The following RASGEF1B variants were observed in gnomAD, a reference collection of about 807,000 sequenced individuals.
The protein encoded by RASGEF1B is RasGEF domain family member 1B, also known as ras-GEF domain-containing family member 1B.
Under a neutral mutation model 65.7 loss-of-function variants are expected in RASGEF1B, and 30 were observed. The ratio of observed to expected loss-of-function variants is 0.46; its 90% confidence interval spans 0.34 to 0.62. The LOEUF (loss-of-function observed/expected upper bound fraction) is 0.62. Ranked by LOEUF, RASGEF1B falls within the 20% of genes least tolerant of loss-of-function variation. The pLI, the probability that RASGEF1B is intolerant of heterozygous loss-of-function variation, is 0.01. For synonymous variants in RASGEF1B, 175 were observed against 194.8 expected (o/e 0.90, Z 0.85); for missense variants, 495 against 580.1 (o/e 0.85, Z 1.51).
intron 13 of RASGEF1B, among the ~76,000 whole-genome samples, chr4:81,429,122 C>G (rs2109961551): frequency 6.6e-6 from 1 of 152,320 alleles, no homozygotes; most frequent in African/African-American, 2.4e-5. Flanking sequence ...ATAGAGAAAA[C>G]CACAAACACT....
chr4:81,468,798 T>C (rs1722933154), intron 1 of RASGEF1B, among the ~76,000 whole-genome samples: 1 of 152,180 alleles, frequency 6.6e-6, no homozygotes, highest in African/African-American at 2.4e-5. Context: ...AGGGTGTAAA[T>C]GCATGAAGCG....
intron 10 of RASGEF1B, among the ~76,000 whole-genome samples, chr4:81,438,282 T>C (rs1191098718): frequency 6.6e-6 from 1 of 152,228 alleles, no homozygotes; most frequent in African/African-American, 2.4e-5. Context: ...TGTTCTCTAT[T>C]AGGTACCTAG....
At chr4:81,440,503 G>A (rs1024491548) in intron 10 of RASGEF1B, among the ~76,000 whole-genome samples, 7 of 152,144 alleles carry the variant, frequency 4.6e-5, no homozygotes, top group African/African-American at 1.2e-4. Context: ...GAGCTTAAAT[G>A]TCTATTTTCC....
chr4:81,451,920 G>C (rs1170512670), intron 4 of RASGEF1B: 2 of 152,200 alleles, frequency 1.3e-5, no homozygotes, highest in Non-Finnish European at 2.9e-5. Flanking sequence ...TACCACACAA[G>C]GGTACCTGCT....
At chr4:81,470,713 G>A (rs993361974) in intron 1 of RASGEF1B, among the ~76,000 whole-genome samples, 3 of 152,164 alleles carry the variant, frequency 2.0e-5, no homozygotes, top group African/African-American at 7.2e-5. Flanking sequence ...TCATCAGGGA[G>A]GATGGACACA....
At chr4:81,432,892 T>G (rs1721478940) in intron 12 of RASGEF1B, among the ~76,000 whole-genome samples, 1 of 151,988 alleles carries the variant, frequency 6.6e-6, no homozygotes, top group African/African-American at 2.4e-5. Context: ...TTATAGAGAT[T>G]AAAAACAAAT....
intron 2 of RASGEF1B, chr4:81,458,845 C>G (rs1482749057): frequency 6.6e-6 from 1 of 152,376 alleles, no homozygotes; most frequent in Non-Finnish European, 1.5e-5. Flanking sequence ...TGTAGGTTAC[C>G]AAGGTAAAAC....
chr4:81,461,514 T>C (rs1223908768), intron 1 of RASGEF1B, among the ~76,000 whole-genome samples: 2 of 152,196 alleles, frequency 1.3e-5, no homozygotes, highest in African/African-American at 4.8e-5. Flanking sequence ...AAAGTGCTTT[T>C]GGGAGATGGT....
intron 2 of RASGEF1B, 69 bp from the exon 3 acceptor site, chr4:81,457,690 G>A: frequency 6.5e-7 from 1 of 1,545,214 alleles, no homozygotes; most frequent in Non-Finnish European, 8.8e-7. Flanking sequence ...TTTATACTAT[G>A]TCTTATTTCA....
At chr4:81,435,665 C>T (rs1439441417) in intron 10 of RASGEF1B, among the ~76,000 whole-genome samples, 58 of 148,704 alleles carry the variant, frequency 3.9e-4, no homozygotes, top group Admixed American at 1.7e-3. Context: ...TTAGTAGAGA[C>T]AGGGTTTCAC....
At chr4:81,445,959 CAGAA>C in intron 6 of RASGEF1B, 121 bp from the exon 7 acceptor site, 1 of 683,778 alleles carries the variant, frequency 1.5e-6, no homozygotes, top group Non-Finnish European at 2.5e-6. Flanking sequence ...TTGAGAACAA[CAGAA>C]AGAGAGAGAG....
At chr4:81,444,910 C>T (rs1721966806) in intron 8 of RASGEF1B, among the ~76,000 whole-genome samples, 1 of 152,156 alleles carries the variant, frequency 6.6e-6, no homozygotes, top group Admixed American at 6.5e-5. Context: ...CAAACTAGGA[C>T]ACTTTTTAAT....
At chr4:81,439,821 T>A (rs149832631) in intron 10 of RASGEF1B, among the ~76,000 whole-genome samples, 64 of 152,366 alleles carry the variant, frequency 4.2e-4, no homozygotes, top group African/African-American at 1.5e-3. Context: ...CTCTGCTTCA[T>A]ACCCCCTCTG....
chr4:81,470,185 TTC>T (rs1722972275), intron 1 of RASGEF1B, among the ~76,000 whole-genome samples: 1 of 152,238 alleles, frequency 6.6e-6, no homozygotes, highest in Non-Finnish European at 1.5e-5. Flanking sequence ...CCTTCTTTTT[TTC>T]TGTTATGAAA....
chr4:81,433,052 G>GA (rs766242934), intron 12 of RASGEF1B, among the ~76,000 whole-genome samples: 176 of 106,086 alleles, frequency 1.7e-3, no homozygotes, highest in East Asian at 1.0e-2. Context: ...GTCTCTACAA[G>GA]AAAAAAAAAA....
intron 10 of RASGEF1B, among the ~76,000 whole-genome samples, chr4:81,436,376 A>G (rs1224915527): frequency 6.6e-6 from 1 of 152,210 alleles, no homozygotes; most frequent in Non-Finnish European, 1.5e-5. Context: ...GAAGGAGGAA[A>G]TATGAATGTA....
intron 12 of RASGEF1B, among the ~76,000 whole-genome samples, chr4:81,433,052 G>GAAAA (rs766242934): frequency 9.4e-6 from 1 of 106,132 alleles, no homozygotes; most frequent in African/African-American, 3.6e-5. Flanking sequence ...GTCTCTACAA[G>GAAAA]AAAAAAAAAA....
chr4:81,460,204 G>C (rs932647809), intron 1 of RASGEF1B, among the ~76,000 whole-genome samples: 2 of 152,192 alleles, frequency 1.3e-5, no homozygotes, highest in Non-Finnish European at 2.9e-5. Flanking sequence ...GAAGACACCT[G>C]ATTTGGGAGC....
At position 81,447,497 on chromosome 4, in the gene RASGEF1B, T is replaced by C. The variant is rs1288373096; in HGVS notation, c.729+7A>G. ...TTTCAGTGCTGACCTTTGGGTAGAC[T>C]GATTACCTTGTCATTATCCAAAGGG... On this transcript the variant is annotated splice_region_variant and intron_variant, in intron 6 of 13. Coordinates refer to ENST00000264400, the MANE Select transcript of RASGEF1B (RefSeq NM_152545.3). 2.5e-6 allele frequency: 4 copies of C among 1,611,124 alleles called. No homozygotes were observed. In the African/African-American group the frequency reaches 5.3e-5, roughly 22 times the overall value.
Sources: allele counts gnomAD v4.1 joint callset (sites outside exome capture counted in the v4.1 genomes callset), GRCh38; gene constraint gnomAD v4.1.1; transcripts MANE v1.5; gene names NCBI Gene and HGNC (gene_info 2026-07-23, HGNC 2026-07-21).